The following PVT1 variants were observed in gnomAD, a reference collection of about 807,000 sequenced individuals.
PVT1 encodes CXCR4/PVT1 fusion.
intron 2 of PVT1, among the ~76,000 whole-genome samples, chr8:127,799,134 G>T (rs947719380): frequency 6.6e-6 from 1 of 151,890 alleles, no homozygotes; most frequent in East Asian, 1.9e-4. Context: ...GAGTTAGGTG[G>T]GGGGGGAGGT....
intron 3 of PVT1, among the ~76,000 whole-genome samples, chr8:127,966,881 A>C (rs964541054): frequency 6.6e-6 from 1 of 152,082 alleles, no homozygotes; most frequent in African/African-American, 2.4e-5. Flanking sequence ...GGATATTAGA[A>C]TGCCTTTCTT....
intron 5 of PVT1, among the ~76,000 whole-genome samples, chr8:128,084,354 CT>C (rs548710482): frequency 6.6e-6 from 1 of 152,110 alleles, no homozygotes; most frequent in Non-Finnish European, 1.5e-5. Flanking sequence ...TACGATTTTC[CT>C]TTTCTGGAAC....
At chr8:127,927,237 T>G (rs1816141076) in intron 3 of PVT1, among the ~76,000 whole-genome samples, 1 of 152,186 alleles carries the variant, frequency 6.6e-6, no homozygotes, top group Non-Finnish European at 1.5e-5. Flanking sequence ...GTCAATGATG[T>G]GGTGCAGTGA....
chr8:127,897,895 GAAAGA>G (rs1218311463), intron 3 of PVT1, among the ~76,000 whole-genome samples: 14 of 115,888 alleles, frequency 1.2e-4, no homozygotes, highest in Admixed American at 9.4e-4. Flanking sequence ...AAGAAAGAAA[GAAAGA>G]AAAAAAGACA....
intron 6 of PVT1, among the ~76,000 whole-genome samples, chr8:128,098,361 C>T (rs960776327): frequency 3.9e-5 from 6 of 152,114 alleles, no homozygotes; most frequent in Non-Finnish European, 7.4e-5. Context: ...ATCAACAGGC[C>T]TGGCAGAGGG....
intron 3 of PVT1, among the ~76,000 whole-genome samples, chr8:127,935,646 G>A (rs1335426312): frequency 6.6e-6 from 1 of 152,142 alleles, no homozygotes; most frequent in African/African-American, 2.4e-5. Context: ...CGATGGCACA[G>A]AGCATGAGCT....
rs535446891 is a variant in PVT1, at chr8:128,081,883, T to A, written n.1114+11522T>A. Among the ~76,000 whole-genome samples, 169 of 152,294 alleles carry A rather than the reference T, an allele frequency of 1.1e-3. 2 individuals are homozygous for A. The highest frequency in any genetic ancestry group is 3.9e-3 in the African/African-American group (163 of 41,546). On this transcript the variant is annotated intron_variant and non_coding_transcript_variant, in intron 5 of 10. Transcript: ENST00000651587. Reference sequence around the variant, plus strand: ...TATTGTAGATCCGTAGACCTGTATTTTGAGCCACCAGTCCTTGACTCGCTA... The same window carrying A: ...TATTGTAGATCCGTAGACCTGTATTATGAGCCACCAGTCCTTGACTCGCTA...
intron 2 of PVT1, among the ~76,000 whole-genome samples, chr8:127,857,645 C>T (rs1010481132): frequency 6.6e-6 from 1 of 152,154 alleles, no homozygotes; most frequent in African/African-American, 2.4e-5. Flanking sequence ...CACACCACTG[C>T]ACTCAGTCTA....
intron 4 of PVT1, among the ~76,000 whole-genome samples, chr8:128,044,372 G>T (rs1047184096): frequency 3.3e-5 from 5 of 152,110 alleles, no homozygotes; most frequent in African/African-American, 1.2e-4. Context: ...TTTATTAAGT[G>T]CTTTATTCCC....
At position 128,085,230 on chromosome 8, in the gene PVT1, G is replaced by A. The variant is rs558646880; in HGVS notation, n.1115-11288G>A. 4.6e-5 allele frequency among the ~76,000 whole-genome samples: 7 copies of A among 152,168 alleles called. No individual in the cohort carries two copies. In the East Asian group the frequency reaches 5.8e-4, roughly 13 times the overall value. On this transcript the variant is annotated intron_variant and non_coding_transcript_variant, in intron 5 of 10. Transcript: ENST00000651587. Reference sequence around the variant, plus strand: ...GCATCAGCCAGCAATCCTGAGAGCCGCCATCTTGGATGCACATGTAGGCCC... The same window carrying A: ...GCATCAGCCAGCAATCCTGAGAGCCACCATCTTGGATGCACATGTAGGCCC...
chr8:128,019,182 A>G (rs1490615659), intron 4 of PVT1, among the ~76,000 whole-genome samples: 2 of 152,246 alleles, frequency 1.3e-5, no homozygotes, highest in African/African-American at 4.8e-5. Context: ...CTCCAAGGAA[A>G]AGAACTCTGA....
chr8:128,067,657 G>A (rs1333822905), intron 4 of PVT1, among the ~76,000 whole-genome samples: 2 of 152,148 alleles, frequency 1.3e-5, no homozygotes, highest in Non-Finnish European at 2.9e-5. Flanking sequence ...CCCAACAGAG[G>A]AGCCAGAGGA....
chr8:128,085,023 A>G (rs564927859), intron 5 of PVT1, among the ~76,000 whole-genome samples: 37 of 152,340 alleles, frequency 2.4e-4, no homozygotes, highest in African/African-American at 8.7e-4. Flanking sequence ...TTGTTCCTTG[A>G]TATTCTTTCC....
chr8:127,849,937 AGCC>A (rs1427622683), intron 2 of PVT1, among the ~76,000 whole-genome samples: 276 of 143,156 alleles, frequency 1.9e-3, no homozygotes, highest in South Asian at 3.3e-3. Flanking sequence ...GTGGGTGCAC[AGCC>A]TGTACATATG....
At chr8:127,868,081 A>G (rs1448893590) in intron 2 of PVT1, among the ~76,000 whole-genome samples, 2 of 152,206 alleles carry the variant, frequency 1.3e-5, no homozygotes, top group African/African-American at 2.4e-5. Flanking sequence ...TTTGCTTAAC[A>G]AAGAATTCTG....
chr8:127,867,302 C>CT (rs1815295933), intron 2 of PVT1, among the ~76,000 whole-genome samples: 1 of 152,322 alleles, frequency 6.6e-6, no homozygotes, highest in African/African-American at 2.4e-5. Context: ...CCTGGCAGTC[C>CT]TTTTTTGTGC....
chr8:128,031,592 A>T (rs1813389643), intron 4 of PVT1, among the ~76,000 whole-genome samples: 2 of 152,236 alleles, frequency 1.3e-5, no homozygotes, highest in Admixed American at 1.3e-4. Flanking sequence ...AGACAGGTCG[A>T]TAAGTTAAAG....
chr8:128,015,912 A>C (rs534362409), intron 4 of PVT1, among the ~76,000 whole-genome samples: 4 of 152,188 alleles, frequency 2.6e-5, no homozygotes, highest in African/African-American at 9.6e-5. Flanking sequence ...TCCAACTGGC[A>C]GCGGAGATGA....
intron 4 of PVT1, among the ~76,000 whole-genome samples, chr8:128,013,395 TC>T (rs71300292): frequency 6.6e-5 from 10 of 151,858 alleles, no homozygotes; most frequent in Admixed American, 2.0e-4. Context: ...TGTTTTTTTT[TC>T]CCCCTGGCAG....
Sources: allele counts gnomAD v4.1 joint callset (sites outside exome capture counted in the v4.1 genomes callset), GRCh38; gene constraint gnomAD v4.1.1; transcripts MANE v1.5; gene names NCBI Gene and HGNC (gene_info 2026-07-23, HGNC 2026-07-21).